Variants in MDN1 observed in about 807,000 individuals in gnomAD.
The protein encoded by MDN1 is midasin.
Under a neutral mutation model 669.2 loss-of-function variants are expected in MDN1, and 266 were observed. That is an observed-to-expected ratio of 0.40 (90% CI 0.36 to 0.44). The LOEUF is 0.44. MDN1 is among the 20% of genes least tolerant of loss of function. The pLI is 1.00. For missense variants in MDN1, 5,940 were observed against 6,754.0 expected, an observed-to-expected ratio of 0.88 and a Z score of 4.22; for synonymous variants, 2,385 against 2,457.1, an observed-to-expected ratio of 0.97 and a Z score of 0.87.
In MDN1 at chr6:89,780,245, T is replaced by C. The variant is rs759231223; in HGVS notation, c.1692A>G (p.Ser564=). 12 of 1,587,554 alleles carry C rather than the reference T, an allele frequency of 7.6e-6. No individual in the cohort carries two copies. In the South Asian group the frequency reaches 9.4e-5, roughly 12 times the overall value. Residue 564 remains serine (S), a synonymous_variant, in exon 11 of 102, where the codon TCA becomes TCG. Coordinates refer to ENST00000369393, the MANE Select transcript of MDN1 (RefSeq NM_014611.3). Reference sequence around the variant, plus strand: ...AAATATTTAATGATGCTGATAAAGATGAACTGTCAAAGCTATGGGCAATCC... The same window carrying C: ...AAATATTTAATGATGCTGATAAAGACGAACTGTCAAAGCTATGGGCAATCC... ...CNRIAHSFDS[S]SLSASLNIFQ...
chr6:89,772,541 C>A, intron 14 of MDN1, 32 bp downstream of exon 14: 1 of 1,599,986 alleles, frequency 6.3e-7, no homozygotes, highest in Non-Finnish European at 8.5e-7. Flanking sequence ...TGTGAAATAT[C>A]TGGGGGCAGA....
chr6:89,699,162 G>A (rs373276807), intron 58 of MDN1, 127 bp from the exon 59 acceptor site: 58 of 807,478 alleles, frequency 7.2e-5, no homozygotes, highest in African/African-American at 1.2e-4. Context: ...AAATTTTTCC[G>A]TTTCTCTGCC....
intron 1 of MDN1, among the ~76,000 whole-genome samples, chr6:89,816,762 C>G (rs1369812238): frequency 6.6e-6 from 1 of 150,670 alleles, no homozygotes; most frequent in Non-Finnish European, 1.5e-5. Flanking sequence ...GCAAGTTCCA[C>G]CTCCCGGGTT....
rs758678567 is a variant in MDN1 at position 89,656,033 on chromosome 6, T to A, written c.15286-65A>T. 5.4e-5 allele frequency: 77 copies of A among 1,426,452 alleles called. 2 individuals are homozygous for A. In the Middle Eastern group the frequency reaches 2.7e-3, roughly 49 times the overall value. The allele number at this position is 1,426,452 out of a possible 1,614,324, so 88.4% of individuals were successfully genotyped here. A position where few individuals can be genotyped will look rare whatever the true frequency, so the allele number is the denominator to read the frequency against. ...ATGACAAAAGGACTCAAAGTAAACA[T>A]AATATCCATCTATAGGGGACAGGAT... On this transcript the variant is annotated intron_variant, in intron 91 of 101. Coordinates refer to ENST00000369393, the MANE Select transcript of MDN1 (RefSeq NM_014611.3).
chr6:89,668,226 G>T, intron 83 of MDN1, 75 bp from the exon 84 acceptor site: 1 of 1,562,904 alleles, frequency 6.4e-7, no homozygotes, highest in Non-Finnish European at 8.7e-7. Context: ...TCTTGCCACA[G>T]GAAAACAATT....
At position 89,653,032 on chromosome 6, in the gene MDN1, A is replaced by ATAC; in HGVS notation, c.15784_15785insGTA (p.Thr5261_Ile5262insSer). 3 of 1,614,138 alleles carry ATAC rather than the reference A, an allele frequency of 1.9e-6. No individual in the cohort carries two copies. Among genetic ancestry groups the ATAC allele is most frequent in the Non-Finnish European group, 2.5e-6 (3 of 1,180,026 alleles). On this transcript the variant is annotated inframe_insertion, in exon 94 of 102. Coordinates refer to ENST00000369393, the MANE Select transcript of MDN1 (RefSeq NM_014611.3). ...CATGAGGAATTGATGAGCTGTATGA[A>ATAC]TGGTAGACTCTCGGCTTCTTTCTGG... is the stretch of plus-strand genomic sequence containing the variant.
At chr6:89,721,470 A>G (rs1814818275) in intron 40 of MDN1, among the ~76,000 whole-genome samples, 1 of 152,180 alleles carries the variant, frequency 6.6e-6, no homozygotes. Context: ...TACCTTTTAA[A>G]GGTATGGAGA....
At chr6:89,759,020 A>G in intron 17 of MDN1, 60 bp from the exon 18 acceptor site, 2 of 1,518,004 alleles carry the variant, frequency 1.3e-6, no homozygotes, top group East Asian at 4.6e-5. Flanking sequence ...CTTGCCAAGA[A>G]CAGTTATGCA....
In MDN1 at chr6:89,712,221, A is replaced by G; in HGVS notation, c.7466T>C (p.Ile2489Thr). 3 of 1,614,082 alleles carry G rather than the reference A, an allele frequency of 1.9e-6. No homozygotes were observed. The highest frequency in any genetic ancestry group is 2.5e-6 in the Non-Finnish European group (3 of 1,179,980). Residue 2489 changes from isoleucine to threonine, a missense_variant, in exon 49 of 102, where the codon ATT becomes ACT. By Grantham distance (89) the Ile-to-Thr change is moderately conservative (BLOSUM62 -1). Around this residue, in one of 5 missense-constraint regions of MDN1, gnomAD observed 2,292 missense variants for 2,638.3 expected, o/e 0.87. Transcript: ENST00000369393. ...QPFTLQDLEK[I>T]MQSPSPENLK... ...GTTCTCAGGGCTGGGGGACTGCATA[A>G]TTTTCTCTAAGTCTTGCAAGGTAAA...
intron 1 of MDN1, among the ~76,000 whole-genome samples, chr6:89,811,485 G>A (rs1768411963): frequency 6.6e-6 from 1 of 151,794 alleles, no homozygotes; most frequent in Non-Finnish European, 1.5e-5. Context: ...TCGCCAGGCT[G>A]GAGTGCAGTG....
chr6:89,712,617 TATACTAAG>T lies in MDN1; in HGVS notation c.7380_7387del (p.Val2462SerfsTer32). On this transcript the variant is annotated frameshift_variant, in exon 48 of 102. Transcript: ENST00000369393. LOFTEE classifies it high-confidence loss of function. ...TTTCATGCTCATCCTGTTGAGACAA[TATACTAAG>T]ATCTGTCCATCTCTTCGGACTGTAG... 6.2e-7 allele frequency: 1 copy of T among 1,614,128 alleles called. No homozygotes were observed. The highest frequency in any genetic ancestry group is 1.1e-5 in the South Asian group (1 of 91,076).
chr6:89,733,643 A>C (rs1444187771), intron 33 of MDN1, among the ~76,000 whole-genome samples: 1 of 151,928 alleles, frequency 6.6e-6, no homozygotes, highest in Non-Finnish European at 1.5e-5. Context: ...AAAAAAAAAA[A>C]AACTCTTTAA....
chr6:89,794,569 C>T lies in MDN1; in HGVS notation c.554+8G>A. ...CTAGAAGTGCAAAAAAGTCTAACAG[C>T]TACGCACCAGCGAACCAAGGTGTCA... On this transcript the variant is annotated splice_region_variant and intron_variant, in intron 3 of 101. Coordinates refer to ENST00000369393, the MANE Select transcript of MDN1 (RefSeq NM_014611.3). 2 of 1,612,410 alleles carry T rather than the reference C, an allele frequency of 1.2e-6. No individual in the cohort carries two copies. Among genetic ancestry groups the T allele is most frequent in the Non-Finnish European group, 1.7e-6 (2 of 1,179,792 alleles).
At position 89,688,108 on chromosome 6, in the gene MDN1, A is replaced by G; in HGVS notation, c.11325T>C (p.Asn3775=). 2 of 1,614,136 alleles carry G rather than the reference A, an allele frequency of 1.2e-6. No homozygotes were observed. Among genetic ancestry groups the G allele is most frequent in the South Asian group, 2.2e-5 (2 of 91,082 alleles). The stretch of plus-strand genomic sequence containing the variant: ...CCTTTGCCAGAAGGATCTCTAAGCC[A>G]TTCAGGAACTTTGAGATGGGACTGG... ...PLSSPISKFL[N]GLEILLAKAQ... Residue 3775 remains asparagine (N), a synonymous_variant, in exon 67 of 102, where the codon AAT becomes AAC. Coordinates refer to ENST00000369393, the MANE Select transcript of MDN1 (RefSeq NM_014611.3).
chr6:89,717,795 T>C (rs971354502), intron 43 of MDN1, among the ~76,000 whole-genome samples: 2 of 152,184 alleles, frequency 1.3e-5, no homozygotes, highest in African/African-American at 2.4e-5. Context: ...GAATCAACAC[T>C]TTGTAATCAG....
chr6:89,652,167 A>G, intron 95 of MDN1, 25 bp downstream of exon 95: 1 of 1,585,488 alleles, frequency 6.3e-7, no homozygotes, highest in Non-Finnish European at 8.6e-7. Context: ...ATATTTTATG[A>G]AAAAAACAGT....
chr6:89,730,482 T>TA (rs994176450), intron 35 of MDN1, among the ~76,000 whole-genome samples: 23 of 152,268 alleles, frequency 1.5e-4, no homozygotes, highest in Non-Finnish European at 3.1e-4. Context: ...AACCAACTAA[T>TA]AAAAAAATAA....
chr6:89,743,509 A>T (rs1365302969), intron 30 of MDN1, 67 bp downstream of exon 30: 7 of 1,540,580 alleles, frequency 4.5e-6, no homozygotes, highest in Non-Finnish European at 6.2e-6. Flanking sequence ...CAGAAACCCC[A>T]CCACTAACTC....
chr6:89,738,505 G>C (rs918755103), intron 32 of MDN1, 50 bp from the exon 33 acceptor site: 1 of 1,599,870 alleles, frequency 6.3e-7, no homozygotes. Flanking sequence ...TGTAAGGAAA[G>C]CTGGAAAACA....
Sources: allele counts gnomAD v4.1 joint callset (sites outside exome capture counted in the v4.1 genomes callset), GRCh38; gene constraint gnomAD v4.1.1; regional missense constraint gnomAD v4.1.1; transcripts MANE v1.5; gene names NCBI Gene and HGNC (gene_info 2026-07-23, HGNC 2026-07-21).